The following TRMT9B variants were observed in gnomAD, a reference collection of about 807,000 sequenced individuals.
TRMT9B encodes the protein probable tRNA methyltransferase 9B.
A neutral mutation model predicts 11.5 loss-of-function variants in TRMT9B; 16 were observed. The observed-to-expected ratio is 1.39, with a 90% confidence interval of 0.94 to 2.11. The LOEUF is 2.11. TRMT9B is among the 30% of genes most tolerant of loss of function. The pLI is 0.00. For missense variants in TRMT9B, 941 were observed against 553.8 expected (o/e 1.70, Z -7.02); for synonymous variants, 274 against 192.4 (o/e 1.42, Z -3.51).
chr8:13,021,032 A>C lies in TRMT9B; in HGVS notation c.353A>C (p.Gln118Pro), dbSNP rs761393815. ...IGVIHHFSTK[Q>P]RRIRAIKEMA... ...GTCATACATCATTTTTCTACAAAAC[A>C]AAGAAGAATCAGAGCAATAAAAGAA... The change falls in exon 5 of 5, where the codon CAA (glutamine) becomes CCA (proline). Residue 118 changes from glutamine (Q) to proline (P), a missense_variant. Transcript: ENST00000524591. 1 of 1,561,910 alleles carries C rather than the reference A, an allele frequency of 6.4e-7. No individual in the cohort carries two copies. Among genetic ancestry groups the C allele is most frequent in the African/African-American group, 1.4e-5 (1 of 73,466 alleles).
At chr8:13,008,397 G>C (rs1017756793) in intron 3 of TRMT9B, among the ~76,000 whole-genome samples, 11 of 152,192 alleles carry the variant, frequency 7.2e-5, no homozygotes, top group Non-Finnish European at 1.2e-4. Context: ...AAGGACACTT[G>C]ATTACGGTAT....
rs555202469 is a variant in TRMT9B at position 12,957,836 on chromosome 8, G to T, written c.-200+11870G>T. Among the ~76,000 whole-genome samples the T allele has an allele frequency of 5.1e-4, 77 of 152,274 alleles. 2 individuals are homozygous for T. The South Asian group carries it at 0.013, about 27-fold the overall frequency. On this transcript the variant is annotated intron_variant, in intron 1 of 4. Transcript: ENST00000524591. ...ATTTTAACTGTTTTTTGAGTGTACA[G>T]TTCAGTGACATTTATTTTCACATTG... is the stretch of plus-strand genomic sequence containing the variant.
At chr8:13,012,276 T>TAA (rs748312519) in intron 3 of TRMT9B, 39 of 943,616 alleles carry the variant, frequency 4.1e-5, no homozygotes, top group Admixed American at 2.0e-4. Flanking sequence ...CTTGGTTAGT[T>TAA]AAAAAAAAAA....
At chr8:12,958,650 A>G (rs1801626962) in intron 1 of TRMT9B, 1 of 153,428 alleles carries the variant, frequency 6.5e-6, no homozygotes, top group Admixed American at 6.5e-5. Flanking sequence ...TAGCATCTAG[A>G]ATGTCAGAAT....
intron 1 of TRMT9B, among the ~76,000 whole-genome samples, chr8:12,970,565 A>T (rs1425492724): frequency 6.6e-6 from 1 of 152,228 alleles, no homozygotes; most frequent in African/African-American, 2.4e-5. Flanking sequence ...GAAAGAGATG[A>T]GCCGGCTGTG....
chr8:12,946,797 G>T (rs2128853684), intron 1 of TRMT9B, among the ~76,000 whole-genome samples: 1 of 152,306 alleles, frequency 6.6e-6, no homozygotes, highest in African/African-American at 2.4e-5. Flanking sequence ...GGAAGAAAGA[G>T]AAGAAGTGGC....
intron 4 of TRMT9B, among the ~76,000 whole-genome samples, chr8:13,017,654 C>T (rs551558739): frequency 7.1e-6 from 1 of 139,964 alleles, no homozygotes; most frequent in South Asian, 2.2e-4. Flanking sequence ...TACTCTGTCA[C>T]CCAGGTTGGA....
At chr8:13,020,582 T>C (rs1813644433) in intron 4 of TRMT9B, among the ~76,000 whole-genome samples, 2 of 152,218 alleles carry the variant, frequency 1.3e-5, no homozygotes, top group Admixed American at 1.3e-4. Context: ...AATTGTTCAT[T>C]AAAACAATGA....
chr8:12,973,130 C>T (rs1310585529), intron 1 of TRMT9B, among the ~76,000 whole-genome samples: 1 of 152,188 alleles, frequency 6.6e-6, no homozygotes, highest in African/African-American at 2.4e-5. Context: ...ATAATGTCTT[C>T]CGGGTTTATC....
At chr8:13,019,333 C>T (rs1413220425) in intron 4 of TRMT9B, among the ~76,000 whole-genome samples, 3 of 152,160 alleles carry the variant, frequency 2.0e-5, no homozygotes, top group African/African-American at 7.2e-5. Flanking sequence ...ACTCTGTTGG[C>T]CAGACTGGAC....
chr8:13,012,508 G>A, intron 3 of TRMT9B, 176 bp from the exon 4 acceptor site: 1 of 782,188 alleles, frequency 1.3e-6, no homozygotes, highest in Non-Finnish European at 1.8e-6. Flanking sequence ...CCGTGAGGCA[G>A]AGGTTGCAGT....
intron 1 of TRMT9B, among the ~76,000 whole-genome samples, chr8:12,979,484 A>G (rs1012331016): frequency 1.3e-5 from 2 of 152,198 alleles, no homozygotes; most frequent in African/African-American, 4.8e-5. Context: ...TCAAAATAAA[A>G]AAAAATAAAA....
At chr8:12,983,645 G>T (rs960933699) in intron 1 of TRMT9B, among the ~76,000 whole-genome samples, 4 of 152,120 alleles carry the variant, frequency 2.6e-5, no homozygotes, top group South Asian at 2.1e-4. Flanking sequence ...ACTCTAGCCT[G>T]GGCAACAGAG....
chr8:12,981,972 T>G (rs1805467198), intron 1 of TRMT9B, among the ~76,000 whole-genome samples: 1 of 152,178 alleles, frequency 6.6e-6, no homozygotes. Context: ...GGACTCTCCT[T>G]TGGTTTGAGA....
intron 1 of TRMT9B, chr8:12,970,114 C>A (rs1244435822): frequency 6.6e-6 from 1 of 152,198 alleles, no homozygotes; most frequent in Admixed American, 6.5e-5. Flanking sequence ...AGCCCCTCAC[C>A]TGGTGATAAC....
chr8:13,003,118 C>A (rs984366108), intron 2 of TRMT9B, among the ~76,000 whole-genome samples: 1 of 152,164 alleles, frequency 6.6e-6, no homozygotes. Context: ...CAGAGTCTTC[C>A]AGCAGACTCT....
chr8:12,994,542 A>G (rs1042731876), intron 2 of TRMT9B, among the ~76,000 whole-genome samples: 2 of 152,102 alleles, frequency 1.3e-5, no homozygotes, highest in African/African-American at 4.8e-5. Flanking sequence ...CGTCTTAGCT[A>G]TGTTGGAATT....
At chr8:12,958,031 A>C (rs1801541196) in intron 1 of TRMT9B, among the ~76,000 whole-genome samples, 1 of 152,172 alleles carries the variant, frequency 6.6e-6, no homozygotes. Flanking sequence ...GTCCGTTTTC[A>C]CCCGGCTGAT....
At chr8:12,956,956 G>A (rs771376060) in intron 1 of TRMT9B, among the ~76,000 whole-genome samples, 5 of 152,188 alleles carry the variant, frequency 3.3e-5, no homozygotes, top group Non-Finnish European at 4.4e-5. Context: ...GGATGGTCTT[G>A]ATTATTGAAC....
Sources: allele counts gnomAD v4.1 joint callset (sites outside exome capture counted in the v4.1 genomes callset), GRCh38; gene constraint gnomAD v4.1.1; transcripts MANE v1.5; gene names NCBI Gene and HGNC (gene_info 2026-07-23, HGNC 2026-07-21).